The following ELOC variants were observed in gnomAD, a reference collection of about 807,000 sequenced individuals.
ELOC encodes the protein elongin C.
For synonymous variants in ELOC, 40 were observed against 51.3 expected, an observed-to-expected ratio of 0.78 and a Z score of 0.94; for missense variants, 38 against 139.0, an observed-to-expected ratio of 0.27 and a Z score of 3.65.
chr8:73,954,941 G>A (rs1814050414), intron 3 of ELOC, among the ~76,000 whole-genome samples: 1 of 143,186 alleles, frequency 7.0e-6, no homozygotes, highest in African/African-American at 2.6e-5. Flanking sequence ...GGCTGAGGCA[G>A]AAGAATCTCT....
At chr8:73,963,896 T>C (rs772987775) in intron 1 of ELOC, among the ~76,000 whole-genome samples, 12 of 151,834 alleles carry the variant, frequency 7.9e-5, no homozygotes, top group Non-Finnish European at 1.8e-4. Flanking sequence ...AGTTCGAGAC[T>C]AGCCTGACCA....
chr8:73,961,518 C>CA (rs1814594036), intron 1 of ELOC, among the ~76,000 whole-genome samples: 1 of 145,664 alleles, frequency 6.9e-6, no homozygotes. Context: ...ATCACTCTCT[C>CA]TTTTTTTTTT....
intron 1 of ELOC, among the ~76,000 whole-genome samples, chr8:73,960,283 TG>T (rs1273113896): frequency 6.6e-6 from 1 of 152,174 alleles, no homozygotes; most frequent in African/African-American, 2.4e-5. Context: ...AACAAAACTA[TG>T]GGTCCTGTTG....
At chr8:73,952,809 T>A (rs1288863600) in intron 3 of ELOC, among the ~76,000 whole-genome samples, 1 of 150,578 alleles carries the variant, frequency 6.6e-6, no homozygotes, top group African/African-American at 2.4e-5. Context: ...GAGAAAATAT[T>A]AGCAAATCAT....
chr8:73,947,888 A>C (rs563181815), intron 3 of ELOC, among the ~76,000 whole-genome samples: 92 of 152,198 alleles, frequency 6.0e-4, no homozygotes, highest in African/African-American at 2.2e-3. Context: ...ATTAAAAAAA[A>C]CCTTTACTAA....
chr8:73,949,193 C>T (rs1438411981), intron 3 of ELOC, among the ~76,000 whole-genome samples: 1 of 152,030 alleles, frequency 6.6e-6, no homozygotes, highest in African/African-American at 2.4e-5. Context: ...ATACAAAATG[C>T]CTTTTATATA....
chr8:73,963,681 A>G (rs1814761851), intron 1 of ELOC, among the ~76,000 whole-genome samples: 5 of 152,232 alleles, frequency 3.3e-5, no homozygotes, highest in Admixed American at 6.5e-5. Flanking sequence ...AGGTTAGAAC[A>G]GATCACTCAC....
intron 3 of ELOC, among the ~76,000 whole-genome samples, chr8:73,950,787 C>T (rs1813703074): frequency 6.6e-6 from 1 of 152,160 alleles, no homozygotes; most frequent in South Asian, 2.1e-4. Context: ...CAGAATAAAG[C>T]TCAAATGTAA....
rs1813408168 is a variant in ELOC at position 73,946,826 on chromosome 8, A to G, written c.149-6T>C. ...TTCGTTCTCAGCAAACTGACCTGTA[A>G]AACAAAAGAATTATGTATGTTATTG... On this transcript the variant is annotated splice_polypyrimidine_tract_variant and splice_region_variant and intron_variant, in intron 3 of 3. Transcript: ENST00000520242. The G allele has an allele frequency of 6.2e-7, 1 of 1,605,560 alleles. No homozygotes were observed. The highest frequency in any genetic ancestry group is 8.5e-7 in the Non-Finnish European group (1 of 1,174,552).
At chr8:73,955,887 A>C (rs371387163) in intron 3 of ELOC, 24 bp downstream of exon 3, 36 of 1,573,632 alleles carry the variant, frequency 2.3e-5, no homozygotes, top group Non-Finnish European at 3.1e-5. Context: ...GAATATATGA[A>C]GAAAAAGACA....
intron 1 of ELOC, among the ~76,000 whole-genome samples, chr8:73,966,109 T>G (rs571121136): frequency 6.6e-6 from 1 of 152,290 alleles, no homozygotes; most frequent in South Asian, 2.1e-4. Context: ...ATTCATTCAT[T>G]CAATAAATAT....
chr8:73,954,048 G>A (rs1472778053), intron 3 of ELOC, among the ~76,000 whole-genome samples: 3 of 152,166 alleles, frequency 2.0e-5, no homozygotes, highest in Non-Finnish European at 4.4e-5. Flanking sequence ...CCACATAAAT[G>A]AACCTTGAAA....
intron 2 of ELOC, among the ~76,000 whole-genome samples, chr8:73,958,495 T>G (rs747830056): frequency 1.4e-4 from 22 of 152,144 alleles, no homozygotes; most frequent in Non-Finnish European, 4.4e-5. Flanking sequence ...ATTAACAATC[T>G]GGTGAAAGCT....
At chr8:73,962,575 C>CAAA (rs71561555) in intron 1 of ELOC, among the ~76,000 whole-genome samples, 12 of 146,216 alleles carry the variant, frequency 8.2e-5, no homozygotes, top group African/African-American at 3.1e-4. Flanking sequence ...AAAAACAAAA[C>CAAA]AAAAAAAAAA....
In ELOC at chr8:73,946,616, A is replaced by G; in HGVS notation, c.*14T>C. On this transcript the variant is annotated 3_prime_UTR_variant, in exon 4 of 4. Transcript: ENST00000520242. ...TACTGAAAAGAGTTAACAGTTTATT[A>G]TAATTTATTTTATTTAACAATCTAA... 6.6e-7 allele frequency: 1 copy of G among 1,525,936 alleles called. No individual in the cohort carries two copies. The highest frequency in any genetic ancestry group is 8.8e-7 in the Non-Finnish European group (1 of 1,136,026). The allele number at this position is 1,525,936 out of a possible 1,614,324, so 94.5% of individuals were successfully genotyped here.
intron 1 of ELOC, among the ~76,000 whole-genome samples, chr8:73,967,974 C>T (rs574939455): frequency 6.6e-6 from 1 of 152,266 alleles, no homozygotes; most frequent in South Asian, 2.1e-4. Context: ...GCAGTAGAAT[C>T]CCAAACCCTT....
intron 3 of ELOC, among the ~76,000 whole-genome samples, chr8:73,948,461 G>C (rs1427130106): frequency 6.6e-6 from 1 of 152,114 alleles, no homozygotes; most frequent in African/African-American, 2.4e-5. Flanking sequence ...TGGCTTTTCT[G>C]AGAATTAGTG....
chr8:73,971,559 C>T (rs1347467339), intron 1 of ELOC, among the ~76,000 whole-genome samples: 1 of 152,006 alleles, frequency 6.6e-6, no homozygotes, highest in Non-Finnish European at 1.5e-5. Flanking sequence ...CACTAGATAC[C>T]TCCTTTCAGA....
At chr8:73,953,711 G>A (rs1483703196) in intron 3 of ELOC, among the ~76,000 whole-genome samples, 1 of 151,562 alleles carries the variant, frequency 6.6e-6, no homozygotes, top group Non-Finnish European at 1.5e-5. Context: ...TGGCCAAGAT[G>A]TATACAAACT....
Sources: gnomAD v4.1 joint callset for allele counts (sites outside exome capture counted in the v4.1 genomes callset) on GRCh38, gnomAD v4.1.1 for gene constraint, MANE v1.5 for transcripts, NCBI Gene and HGNC (gene_info 2026-07-23, HGNC 2026-07-21) for gene names.